HERPUD1: variants seen among roughly 807,000 people sequenced by gnomAD.
HERPUD1 encodes homocysteine inducible ER protein with ubiquitin like domain 1.
In HERPUD1, 17 loss-of-function variants were observed where a neutral mutation model predicts 45.0. That is an observed-to-expected ratio of 0.38 (90% confidence interval 0.26 to 0.57). The LOEUF is 0.57. HERPUD1 is among the 20% of genes least tolerant of loss of function. The pLI, the probability that HERPUD1 is intolerant of heterozygous loss-of-function variation, is 0.72. For missense variants in HERPUD1, 420 were observed against 490.5 expected (o/e 0.86, Z 1.36); for synonymous variants, 164 against 177.5 (o/e 0.92, Z 0.61).
chr16:56,933,768 C>G (rs960910037), intron 1 of HERPUD1, among the ~76,000 whole-genome samples: 2 of 152,176 alleles, frequency 1.3e-5, no homozygotes, highest in Admixed American at 6.5e-5. Flanking sequence ...AATCAGCCAT[C>G]TGTGTGAAGA....
chr16:56,939,121 G>T, intron 4 of HERPUD1, 116 bp from the exon 5 acceptor site: 2 of 1,203,020 alleles, frequency 1.7e-6, no homozygotes, highest in Non-Finnish European at 2.4e-6. Flanking sequence ...TGTAACTGCC[G>T]TAAATTCCAT....
chr16:56,933,502 C>T (rs538958942), intron 1 of HERPUD1, among the ~76,000 whole-genome samples: 1 of 152,108 alleles, frequency 6.6e-6, no homozygotes, highest in African/African-American at 2.4e-5. Flanking sequence ...CAGGTGTAGC[C>T]TATGGTTGCA....
intron 6 of HERPUD1, chr16:56,941,904 T>A: frequency 2.1e-6 from 1 of 475,188 alleles, no homozygotes; most frequent in Admixed American, 3.8e-5. Context: ...CCAGGTGCTG[T>A]TTATATGGCT....
At chr16:56,935,672 G>C in intron 3 of HERPUD1, 197 bp downstream of exon 3, 1 of 591,920 alleles carries the variant, frequency 1.7e-6, no homozygotes, top group Non-Finnish European at 3.0e-6. Context: ...TGTTCCGTTA[G>C]TGCTGTAGTA....
chr16:56,935,280 G>T lies in HERPUD1; in HGVS notation c.193G>T (p.Asp65Tyr). ...AATTTATTCTGGGAAGCTGTTGTTG[G>T]ATCACCAATGTCTCAGGGACTTGCT... Reference protein sequence around the residue: ...RLIYSGKLLLDHQCLRDLLPK... With the variant: ...RLIYSGKLLLYHQCLRDLLPK... Residue 65 changes from aspartate to tyrosine, a missense_variant, in exon 2 of 8, where the codon GAT (aspartate) becomes TAT (tyrosine). Asp to Tyr is a radical substitution (Grantham distance 160, BLOSUM62 -3). Coordinates refer to ENST00000439977, the MANE Select transcript of HERPUD1 (RefSeq NM_014685.4). 6.2e-7 allele frequency: 1 copy of T among 1,614,058 alleles called. No individual in the cohort carries two copies. The highest frequency in any genetic ancestry group is 8.5e-7 in the Non-Finnish European group (1 of 1,179,906).
rs536076348 is a variant in HERPUD1 at position 56,941,894 on chromosome 16, C to T, written c.906-238C>T. ...GCATTTATTGAGTGCATACTATGTG[C>T]CAGGTGCTGTTTATATGGCTGGGTG... On this transcript the variant is annotated intron_variant, in intron 6 of 7. Coordinates refer to ENST00000439977, the MANE Select transcript of HERPUD1 (RefSeq NM_014685.4). 74 of 445,382 alleles carry T rather than the reference C, an allele frequency of 1.7e-4. 1 individual carries two copies. In the South Asian group the frequency reaches 2.3e-3, roughly 14 times the overall value. The allele number at this position is 445,382 out of a possible 1,614,324, so 27.6% of individuals were successfully genotyped here. A position where few individuals can be genotyped will look rare whatever the true frequency, so the allele number is the denominator to read the frequency against.
rs2055898306 is a variant in HERPUD1 at position 56,940,155 on chromosome 16, C to T, written c.815C>T (p.Ala272Val). ...TGGTTGGATTGGACCTATTCAGCAG[C>T]TACATTTTCTGTTTTTCTCAGTATC... ...RDWLDWTYSA[A>V]TFSVFLSILY... The change falls in exon 6 of 8, where the codon GCT becomes GTT. Residue 272 changes from alanine to valine, a missense_variant. Coordinates refer to ENST00000439977, the MANE Select transcript of HERPUD1 (RefSeq NM_014685.4). 1 of 1,614,044 alleles carries T rather than the reference C, an allele frequency of 6.2e-7. No homozygotes were observed. Among genetic ancestry groups the T allele is most frequent in the Admixed American group, 1.7e-5 (1 of 60,000 alleles).
intron 4 of HERPUD1, 121 bp from the exon 5 acceptor site, chr16:56,939,116 C>T (rs1362255091): frequency 1.7e-5 from 19 of 1,096,024 alleles, no homozygotes; most frequent in Non-Finnish European, 2.5e-5. Flanking sequence ...TACCATGTAA[C>T]TGCCGTAAAT....
chr16:56,940,403 T>C (rs148664831), intron 6 of HERPUD1, 158 bp downstream of exon 6: 98 of 605,310 alleles, frequency 1.6e-4, no homozygotes, highest in African/African-American at 1.5e-3. Flanking sequence ...GCTTCCCAGG[T>C]TCAAGCGATT....
intron 1 of HERPUD1, chr16:56,933,396 C>A (rs2055841935): frequency 2.2e-6 from 1 of 452,212 alleles, no homozygotes; most frequent in African/African-American, 2.0e-5. Context: ...CTAGAATTCA[C>A]CCTGGCACAT....
chr16:56,937,077 T>C lies in HERPUD1; in HGVS notation c.431+260T>C, dbSNP rs528275028. On this transcript the variant is annotated intron_variant, in intron 4 of 7. Coordinates refer to ENST00000439977, the MANE Select transcript of HERPUD1 (RefSeq NM_014685.4). The stretch of plus-strand genomic sequence containing the variant: ...AAAATGTAGGCGTTTTATCCTTCCA[T>C]TGTGCTGACCGCTTGGTTGCCGTCA... 3.4e-5 allele frequency: 9 copies of C among 264,044 alleles called. No homozygotes were observed. In the East Asian group the frequency reaches 6.2e-4, roughly 18 times the overall value. The allele number at this position is 264,044 out of a possible 1,614,324, so 16.4% of individuals were successfully genotyped here.
rs935919088 is a variant in HERPUD1 at position 56,943,451 on chromosome 16, C to T, written c.*161C>T. 3.4e-5 allele frequency: 29 copies of T among 845,092 alleles called. No individual in the cohort carries two copies. The highest frequency in any genetic ancestry group is 1.3e-4 in the East Asian group (5 of 39,766). 52.3% of individuals were successfully genotyped at this position (845,092 alleles called of 1,614,324 possible). A position where few individuals can be genotyped will look rare whatever the true frequency, so the allele number is the denominator to read the frequency against. On this transcript the variant is annotated 3_prime_UTR_variant, in exon 8 of 8. Coordinates refer to ENST00000439977, the MANE Select transcript of HERPUD1 (RefSeq NM_014685.4). ...GCAAGCAAAAGCAGAAACGTGAAGC[C>T]GTGATACAAATTGGTGAACAAAAAA...
At chr16:56,935,194 G>T (rs769581860) in intron 1 of HERPUD1, 41 bp from the exon 2 acceptor site, 1 of 1,396,300 alleles carries the variant, frequency 7.2e-7, no homozygotes, top group South Asian at 1.2e-5. Context: ...ACTTGTAGGG[G>T]TGAAATGCTG....
chr16:56,935,829 T>C lies in HERPUD1; in HGVS notation c.300+354T>C, dbSNP rs373406393. 3.4e-5 allele frequency: 7 copies of C among 207,194 alleles called. No individual in the cohort carries two copies. In the East Asian group the frequency reaches 3.4e-4, roughly 10 times the overall value. The allele number at this position is 207,194 out of a possible 1,614,324, so 12.8% of individuals were successfully genotyped here. A position where few individuals can be genotyped will look rare whatever the true frequency, so the allele number is the denominator to read the frequency against. ...TCTTCAAAGGAGTCACTAATTTTTA[T>C]AAAGAGTACAAAAGTGAATATATTT... On this transcript the variant is annotated intron_variant, in intron 3 of 7. Transcript: ENST00000439977.
At position 56,943,398 on chromosome 16, in the gene HERPUD1, C is replaced by T; in HGVS notation, c.*108C>T. 1 of 1,249,452 alleles carries T rather than the reference C, an allele frequency of 8.0e-7. No individual in the cohort carries two copies. Among genetic ancestry groups the T allele is most frequent in the South Asian group, 1.2e-5 (1 of 83,626 alleles). The allele number at this position is 1,249,452 out of a possible 1,614,324, so 77.4% of individuals were successfully genotyped here. On this transcript the variant is annotated 3_prime_UTR_variant, in exon 8 of 8. Coordinates refer to ENST00000439977, the MANE Select transcript of HERPUD1 (RefSeq NM_014685.4). ...ATGGCAATGATGAGTTTTTAAAAAA[C>T]AGTGTGGATGATGATATGCTTTTGT...
chr16:56,932,428 G>A (rs762840600), intron 1 of HERPUD1, 37 bp downstream of exon 1: 37 of 1,493,422 alleles, frequency 2.5e-5, no homozygotes, highest in Middle Eastern at 2.4e-4. Flanking sequence ...CTAGGCTGTG[G>A]CCCCCCGCCC....
intron 2 of HERPUD1, 44 bp from the exon 3 acceptor site, chr16:56,935,357 C>G (rs368212946): frequency 3.7e-5 from 60 of 1,609,128 alleles, no homozygotes; most frequent in Non-Finnish European, 4.9e-5. Flanking sequence ...TAAGCACTCA[C>G]CAGGTTAGGT....
Position 56,943,508 on chromosome 16 carries a change from G to A in HERPUD1, c.*218G>A, listed in dbSNP as rs2055928017. On this transcript the variant is annotated 3_prime_UTR_variant, in exon 8 of 8. Coordinates refer to ENST00000439977, the MANE Select transcript of HERPUD1 (RefSeq NM_014685.4). ...AGGCTTCTCATGTCTTTATTCTGAA[G>A]AGCTTTAATATATACTCTATGTAGT... The A allele has an allele frequency of 1.6e-6, 1 of 617,710 alleles. No homozygotes were observed. The allele number at this position is 617,710 out of a possible 1,614,324, so 38.3% of individuals were successfully genotyped here. A position where few individuals can be genotyped will look rare whatever the true frequency, so the allele number is the denominator to read the frequency against.
chr16:56,937,562 C>CA (rs1195716664), intron 4 of HERPUD1: 1 of 151,966 alleles, frequency 6.6e-6, no homozygotes, highest in Non-Finnish European at 1.5e-5. Context: ...CACCATCACC[C>CA]AGGCCTAATA....
Sources: allele counts gnomAD v4.1 joint callset (sites outside exome capture counted in the v4.1 genomes callset), GRCh38; gene constraint gnomAD v4.1.1; transcripts MANE v1.5; gene names NCBI Gene and HGNC (gene_info 2026-07-23, HGNC 2026-07-21).